PRPSAP2: variants seen among roughly 807,000 people sequenced by gnomAD.
PRPSAP2 encodes phosphoribosyl pyrophosphate synthetase associated protein 2.
PRPSAP2 carries 24 observed loss-of-function variants against 40.6 expected under a neutral mutation model. The observed-to-expected ratio is 0.59, with a 90% CI of 0.43 to 0.83. The LOEUF is 0.83. Ranked by LOEUF, PRPSAP2 falls within the 40% of genes least tolerant of loss-of-function variation. PRPSAP2 has a pLI of 0.00. For missense variants in PRPSAP2, 292 were observed against 465.6 expected (o/e 0.63, Z 3.43); for synonymous variants, 149 against 164.7 (o/e 0.90, Z 0.73).
chr17:18,911,963 A>T lies in PRPSAP2; in HGVS notation c.733+712A>T, dbSNP rs531246793. On this transcript the variant is annotated intron_variant, in intron 9 of 11. Transcript: ENST00000268835. This position sits in a 1 kb window ranked among gnomAD's most constrained non-coding sequence, Gnocchi z 4.5. Reference sequence around the variant, plus strand: ...TTTGGGAGGCCGAGGCGGGTGAATCACCTGAGGTCAGGAGTTCGAGACCAG... The same window carrying T: ...TTTGGGAGGCCGAGGCGGGTGAATCTCCTGAGGTCAGGAGTTCGAGACCAG... 1.3e-5 allele frequency among the ~76,000 whole-genome samples: 2 copies of T among 152,116 alleles called. No individual in the cohort carries two copies. Among genetic ancestry groups the T allele is most frequent in the African/African-American group, 4.8e-5 (2 of 41,474 alleles).
intron 6 of PRPSAP2, among the ~76,000 whole-genome samples, chr17:18,881,283 C>T (rs182471634): frequency 3.3e-5 from 5 of 150,868 alleles, no homozygotes; most frequent in African/African-American, 9.7e-5. Flanking sequence ...TCACCCAGGT[C>T]GGAGTGAAGT....
rs544041436 is a variant in PRPSAP2 at position 18,918,246 on chromosome 17, C to T, written c.734-5668C>T. On this transcript the variant is annotated intron_variant, in intron 9 of 11. Transcript: ENST00000268835. ...CTTGAGTTTGCATCTGGCTCCATCA[C>T]TTATCAGCTGTGTGTTCTTGGGCCT... Among the ~76,000 whole-genome samples, 8 of 152,288 alleles carry T rather than the reference C, an allele frequency of 5.3e-5. No individual in the cohort carries two copies. The South Asian group carries it at 1.7e-3, about 32-fold the overall frequency.
At chr17:18,915,343 C>T (rs1346159013) in intron 9 of PRPSAP2, among the ~76,000 whole-genome samples, 1 of 152,098 alleles carries the variant, frequency 6.6e-6, no homozygotes, top group Admixed American at 6.6e-5. Flanking sequence ...TGTTTTTCTA[C>T]TAGCATTGTG....
At chr17:18,886,765 A>G (rs1021604785) in intron 7 of PRPSAP2, among the ~76,000 whole-genome samples, 1 of 151,948 alleles carries the variant, frequency 6.6e-6, no homozygotes, top group Non-Finnish European at 1.5e-5. Flanking sequence ...ACTGGTAGGG[A>G]TCTTCCTTTC....
At chr17:18,898,186 A>G (rs900868155) in intron 8 of PRPSAP2, among the ~76,000 whole-genome samples, 1 of 151,402 alleles carries the variant, frequency 6.6e-6, no homozygotes, top group Non-Finnish European at 1.5e-5. Flanking sequence ...TTTAGTAGAG[A>G]TGGGGTTTCA....
intron 8 of PRPSAP2, among the ~76,000 whole-genome samples, chr17:18,891,783 C>T (rs2039558441): frequency 6.6e-6 from 1 of 152,216 alleles, no homozygotes; most frequent in African/African-American, 2.4e-5. Context: ...ATGTGGCCCT[C>T]TGTGTCTGGT....
At chr17:18,925,836 G>T (rs1465052527) in intron 10 of PRPSAP2, among the ~76,000 whole-genome samples, 1 of 152,178 alleles carries the variant, frequency 6.6e-6, no homozygotes, top group African/African-American at 2.4e-5. Context: ...CTGGGGCCGG[G>T]CACGGTGGCT....
At position 18,865,873 on chromosome 17, in the gene PRPSAP2, A is replaced by ATT. The variant is rs1260405608; in HGVS notation, c.40_41insTT (p.Asn14IlefsTer3). 4 of 1,528,158 alleles carry ATT rather than the reference A, an allele frequency of 2.6e-6. No homozygotes were observed. The highest frequency in any genetic ancestry group is 3.5e-6 in the Non-Finnish European group (4 of 1,128,510). 94.7% of individuals were successfully genotyped at this position (1,528,158 alleles called of 1,614,324 possible). A position where few individuals can be genotyped will look rare whatever the true frequency, so the allele number is the denominator to read the frequency against. ...GCCACCTGAATTAGAAACCAAGATG[A>ATT]ACATAACCAAAGGTGGTCTGGTGTT... On this transcript the variant is annotated frameshift_variant, in exon 3 of 12. Transcript: ENST00000268835. LOFTEE classifies it high-confidence loss of function.
intron 8 of PRPSAP2, among the ~76,000 whole-genome samples, chr17:18,891,638 G>C (rs983527454): frequency 1.2e-4 from 18 of 152,184 alleles, no homozygotes; most frequent in African/African-American, 4.3e-4. Context: ...CTGGCATTTA[G>C]TGCATTCACA....
chr17:18,883,655 G>A (rs1454121363), intron 7 of PRPSAP2, among the ~76,000 whole-genome samples: 2 of 151,734 alleles, frequency 1.3e-5, no homozygotes, highest in East Asian at 1.9e-4. Context: ...CAAAGTGCTG[G>A]GATTACAGGC....
intron 8 of PRPSAP2, among the ~76,000 whole-genome samples, chr17:18,890,970 A>G (rs776491436): frequency 1.3e-4 from 20 of 152,208 alleles, no homozygotes; most frequent in Admixed American, 1.3e-3. Flanking sequence ...ACTTAAAATT[A>G]TATGTCGGTT....
intron 8 of PRPSAP2, among the ~76,000 whole-genome samples, chr17:18,902,850 CAA>C (rs2040355911): frequency 1.0e-5 from 1 of 96,070 alleles, no homozygotes; most frequent in Admixed American, 1.6e-4. Context: ...GCCTGGGTGA[CAA>C]GAGCAAAACT....
intron 1 of PRPSAP2, chr17:18,859,385 G>A (rs2036833584): frequency 6.6e-6 from 1 of 152,250 alleles, no homozygotes; most frequent in African/African-American, 2.4e-5. Flanking sequence ...TTGAGAGACA[G>A]GCTGTGCAGC....
intron 8 of PRPSAP2, among the ~76,000 whole-genome samples, chr17:18,900,457 A>C (rs914474969): frequency 2.0e-5 from 3 of 151,998 alleles, no homozygotes; most frequent in Non-Finnish European, 4.4e-5. Context: ...TTTGTTATAC[A>C]GTTTCAGCAT....
intron 10 of PRPSAP2, chr17:18,928,445 T>C (rs2042084232): frequency 3.5e-6 from 1 of 287,170 alleles, no homozygotes; most frequent in Non-Finnish European, 6.9e-6. Context: ...TTTAACACTT[T>C]TTCTGTGCAT....
At chr17:18,881,745 G>T (rs1181916098) in intron 6 of PRPSAP2, among the ~76,000 whole-genome samples, 3 of 151,706 alleles carry the variant, frequency 2.0e-5, no homozygotes, top group African/African-American at 7.3e-5. Context: ...TGTTCCCCAG[G>T]CTGATCTCAA....
intron 3 of PRPSAP2, 161 bp from the exon 4 acceptor site, chr17:18,867,121 G>C (rs573186971): frequency 2.8e-6 from 2 of 718,682 alleles, no homozygotes; most frequent in Admixed American, 5.6e-5. Context: ...TGAGGGGCTA[G>C]GTAATGGATT....
upstream of PRPSAP2, among the ~76,000 whole-genome samples, chr17:18,857,612 G>A (rs1445464057): frequency 6.6e-6 from 1 of 151,056 alleles, no homozygotes; most frequent in Non-Finnish European, 1.5e-5. Context: ...GTAGAGATGG[G>A]GGTTTCACCA....
At chr17:18,929,481 A>T (rs1007478737) in intron 11 of PRPSAP2, 5 of 152,026 alleles carry the variant, frequency 3.3e-5, no homozygotes, top group African/African-American at 1.2e-4. Flanking sequence ...CTAGAAAGGA[A>T]CCCCATACCC....
Sources: allele counts gnomAD v4.1 joint callset (sites outside exome capture counted in the v4.1 genomes callset), GRCh38; gene constraint gnomAD v4.1.1; non-coding constraint Gnocchi (gnomAD v3.1); transcripts MANE v1.5; gene names NCBI Gene and HGNC (gene_info 2026-07-23, HGNC 2026-07-21).